KCNH4: variants seen among roughly 807,000 people sequenced by gnomAD.
KCNH4 encodes voltage-gated delayed rectifier potassium channel KCNH4.
Under a neutral mutation model 90.7 loss-of-function variants are expected in KCNH4, and 33 were observed. That is an observed-to-expected ratio of 0.36 (90% confidence interval 0.28 to 0.49). The LOEUF is 0.49. KCNH4 is among the 20% of genes least tolerant of loss of function. KCNH4 has a pLI of 0.98. For synonymous variants in KCNH4, 551 were observed against 581.7 expected (o/e 0.95, Z 0.76); for missense variants, 1,044 against 1,387.1 (o/e 0.75, Z 3.93).
At chr17:42,171,189 A>G (rs370448184) in intron 7 of KCNH4, among the ~76,000 whole-genome samples, 3 of 152,238 alleles carry the variant, frequency 2.0e-5, no homozygotes, top group South Asian at 2.1e-4. Context: ...TTGGGAAATC[A>G]GTAGGGAGGC....
chr17:42,170,029 G>A, intron 8 of KCNH4, 78 bp downstream of exon 8: 1 of 1,419,648 alleles, frequency 7.0e-7, no homozygotes, highest in Non-Finnish European at 9.5e-7. Context: ...CAGATGTCTT[G>A]CCCTCTCTGG....
chr17:42,178,009 G>T, intron 4 of KCNH4, 91 bp downstream of exon 4: 3 of 1,524,590 alleles, frequency 2.0e-6, no homozygotes, highest in South Asian at 1.3e-5. Flanking sequence ...AGGGACACCA[G>T]ACAGACAGGG....
At chr17:42,170,605 G>T (rs2079820699) in intron 7 of KCNH4, among the ~76,000 whole-genome samples, 1 of 152,228 alleles carries the variant, frequency 6.6e-6, no homozygotes, top group Admixed American at 6.5e-5. Context: ...TGCCCTGGTG[G>T]AACCTATAGC....
intron 5 of KCNH4, 130 bp downstream of exon 5, chr17:42,175,924 T>G: frequency 1.6e-6 from 2 of 1,264,922 alleles, no homozygotes; most frequent in Non-Finnish European, 2.2e-6. Flanking sequence ...CATGGGCCAT[T>G]GGGACTTAAA....
intron 11 of KCNH4, 42 bp from the exon 12 acceptor site, chr17:42,164,210 C>T (rs763814841): frequency 7.3e-6 from 11 of 1,510,368 alleles, no homozygotes; most frequent in African/African-American, 5.6e-5. Context: ...CCTGCCTTCC[C>T]GCGGCCATAG....
In KCNH4 at chr17:42,164,007, C is replaced by T. The variant is rs894114746; in HGVS notation, c.2125-49G>A. ...TGTCGCAGGACAGTGAACAACAGAC[C>T]CCTTCATTAAGTAAGAGCCTTCGCC... On this transcript the variant is annotated intron_variant, in intron 12 of 16. Transcript: ENST00000264661. 4.0e-6 allele frequency: 6 copies of T among 1,497,742 alleles called. No individual in the cohort carries two copies. The African/African-American group carries it at 4.2e-5, about 10-fold the overall frequency. 92.8% of individuals were successfully genotyped at this position (1,497,742 alleles called of 1,614,324 possible).
Position 42,163,840 on chromosome 17 carries a change from T to C in KCNH4, c.2243A>G (p.Asn748Ser), listed in dbSNP as rs966675288. The change falls in exon 13 of 17, where the codon AAC becomes AGC. Residue 748 changes from asparagine to serine, a missense_variant. Asn to Ser is a conservative substitution (Grantham distance 46, BLOSUM62 1). Around this residue, in one of 4 missense-constraint regions of KCNH4, gnomAD observed 441 missense variants for 512.3 expected, o/e 0.86. Coordinates refer to ENST00000264661, the MANE Select transcript of KCNH4 (RefSeq NM_012285.3). The surrounding 1 kb of genome is among the most constrained non-coding windows in gnomAD (Gnocchi z 5.4). ...GCCCCGAGGCCGTGCTGGGCTGAGG[T>C]TGGGCAGCAGGAGGGGCCGTCGGGG... ...PRPRRPLLLP[N>S]LSPARPRGSL... 4 of 1,511,212 alleles carry C rather than the reference T, an allele frequency of 2.6e-6. No individual in the cohort carries two copies. Among genetic ancestry groups the C allele is most frequent in the African/African-American group, 2.8e-5 (2 of 71,468 alleles). The allele number at this position is 1,511,212 out of a possible 1,614,324, so 93.6% of individuals were successfully genotyped here. A position where few individuals can be genotyped will look rare whatever the true frequency, so the allele number is the denominator to read the frequency against.
Position 42,180,161 on chromosome 17 carries a change from C to T in KCNH4, c.76+709G>A, listed in dbSNP as rs370369635. Among the ~76,000 whole-genome samples the T allele has an allele frequency of 6.6e-6, 1 of 152,174 alleles. No homozygotes were observed. Among genetic ancestry groups the T allele is most frequent in the South Asian group, 2.1e-4 (1 of 4,832 alleles). Reference sequence around the variant, plus strand: ...CCGCCCTCGGGTACCGCTCCCCCACCATCCAGATCCCGGCCAGGGTTCCCG... The same window carrying T: ...CCGCCCTCGGGTACCGCTCCCCCACTATCCAGATCCCGGCCAGGGTTCCCG... On this transcript the variant is annotated intron_variant, in intron 1 of 16. Transcript: ENST00000264661. The surrounding 1 kb of genome is among the most constrained non-coding windows in gnomAD (Gnocchi z 4.7).
At chr17:42,165,756 G>A (rs2079782875) in intron 10 of KCNH4, 63 bp from the exon 11 acceptor site, 1 of 1,592,748 alleles carries the variant, frequency 6.3e-7, no homozygotes, top group Non-Finnish European at 8.6e-7. Context: ...TCAGCTGGAG[G>A]TGCTCAGTGG....
chr17:42,175,966 G>A (rs979109865), intron 5 of KCNH4, 88 bp downstream of exon 5: 183 of 1,436,240 alleles, frequency 1.3e-4, no homozygotes, highest in Middle Eastern at 7.3e-4. Flanking sequence ...TGAATGTCTG[G>A]GTCATGTGGG....
chr17:42,165,273 T>C (rs1272963170), intron 11 of KCNH4, among the ~76,000 whole-genome samples, 176 bp downstream of exon 11: 4 of 151,572 alleles, frequency 2.6e-5, no homozygotes, highest in South Asian at 4.2e-4. Context: ...TGATGGCCAG[T>C]GTAGTGTCAG....
In KCNH4 at chr17:42,160,343, G is replaced by A; in HGVS notation, c.2751C>T (p.His917=). The A allele has an allele frequency of 6.2e-7, 1 of 1,614,132 alleles. No individual in the cohort carries two copies. Among genetic ancestry groups the A allele is most frequent in the Non-Finnish European group, 8.5e-7 (1 of 1,180,016 alleles). Reference sequence around the variant, plus strand: ...CTGGGGTCCAAGCGGAGCCTGCTGGGTGGCCTGGGGGACCCAGCCTGGCCT... The same window carrying A: ...CTGGGGTCCAAGCGGAGCCTGCTGGATGGCCTGGGGGACCCAGCCTGGCCT... The part of the protein sequence containing the change: ...LLQARLGPPG[H]PAGSAWTPDP... The change falls in exon 16 of 17, where the codon CAC becomes CAT. Residue 917 remains histidine, a synonymous_variant. Transcript: ENST00000264661.
chr17:42,171,486 G>A (rs111307252), intron 7 of KCNH4, among the ~76,000 whole-genome samples: 26 of 152,142 alleles, frequency 1.7e-4, no homozygotes, highest in Admixed American at 7.2e-4. Context: ...GACTTTTCAC[G>A]TGCTGCTCCT....
chr17:42,178,058 G>C (rs1598278448), intron 4 of KCNH4, 42 bp downstream of exon 4: 1 of 1,594,260 alleles, frequency 6.3e-7, no homozygotes, highest in Admixed American at 1.7e-5. Context: ...CAGAATCAAG[G>C]CTGGAGGACT....
intron 16 of KCNH4, among the ~76,000 whole-genome samples, 196 bp from the exon 17 acceptor site, chr17:42,157,314 ATTT>A (rs1316528802): frequency 6.6e-6 from 1 of 152,002 alleles, no homozygotes; most frequent in Non-Finnish European, 1.5e-5. Flanking sequence ...TCTGCTTTTT[ATTT>A]TTTTATTTTT....
At chr17:42,175,145 A>G (rs2079852607) in intron 6 of KCNH4, among the ~76,000 whole-genome samples, 1 of 152,088 alleles carries the variant, frequency 6.6e-6, no homozygotes, top group South Asian at 2.1e-4. Flanking sequence ...TCTGTCCCTG[A>G]TGTGCTCTGT....
intron 6 of KCNH4, among the ~76,000 whole-genome samples, chr17:42,173,693 CTTTTT>C (rs532100884): frequency 6.0e-5 from 4 of 66,268 alleles, no homozygotes; most frequent in African/African-American, 1.3e-4. Flanking sequence ...CGATCTGGTT[CTTTTT>C]TTTTTTTTTT....
At chr17:42,173,693 C>CTT (rs532100884) in intron 6 of KCNH4, among the ~76,000 whole-genome samples, 4,534 of 66,266 alleles carry the variant, frequency 0.068, 1,555 homozygotes, top group East Asian at 0.17. Context: ...CGATCTGGTT[C>CTT]TTTTTTTTTT....
intron 6 of KCNH4, among the ~76,000 whole-genome samples, chr17:42,173,155 G>A (rs890410315): frequency 6.6e-6 from 1 of 151,872 alleles, no homozygotes; most frequent in Non-Finnish European, 1.5e-5. Flanking sequence ...CTTATCTTCT[G>A]GGTGGGAGCA....
Sources: allele counts gnomAD v4.1 joint callset (sites outside exome capture counted in the v4.1 genomes callset), GRCh38; gene constraint gnomAD v4.1.1; regional missense constraint gnomAD v4.1.1; non-coding constraint Gnocchi (gnomAD v3.1); transcripts MANE v1.5; gene names NCBI Gene and HGNC (gene_info 2026-07-23, HGNC 2026-07-21).